BNC2: variants seen among roughly 807,000 people sequenced by gnomAD.
BNC2 encodes zinc finger protein basonuclin-2.
Under a neutral mutation model 76.3 loss-of-function variants are expected in BNC2, and 20 were observed. The ratio of observed to expected loss-of-function variants is 0.26; its 90% CI spans 0.18 to 0.38. The LOEUF (loss-of-function observed/expected upper bound fraction) is 0.38, where lower values mean the gene tolerates loss of function less well. Among genes scored for constraint, BNC2 ranks in the 10% least tolerant of loss-of-function variants. The pLI is 1.00. For synonymous variants in BNC2, 582 were observed against 514.8 expected (o/e 1.13, Z -1.77); for missense variants, 1,382 against 1,399.8 (o/e 0.99, Z 0.20).
chr9:16,614,271 T>G (rs1236981211), intron 3 of BNC2, among the ~76,000 whole-genome samples: 1 of 149,542 alleles, frequency 6.7e-6, no homozygotes, highest in Non-Finnish European at 1.5e-5. Flanking sequence ...AATCTTTCTA[T>G]AATATTACTG....
chr9:16,735,215 T>A (rs1824628869), intron 2 of BNC2, among the ~76,000 whole-genome samples: 1 of 152,166 alleles, frequency 6.6e-6, no homozygotes, highest in Non-Finnish European at 1.5e-5. Context: ...ATGAATCTTG[T>A]GCCTACAAAA....
At chr9:16,762,349 C>T (rs1825576932) in intron 1 of BNC2, among the ~76,000 whole-genome samples, 1 of 152,188 alleles carries the variant, frequency 6.6e-6, no homozygotes, top group South Asian at 2.1e-4. Flanking sequence ...ATCCAGAGAT[C>T]TTTACCCACC....
rs532649227 is a variant in BNC2 at position 16,788,597 on chromosome 9, G to C, written c.4-50112C>G. Among the ~76,000 whole-genome samples, 185 of 150,388 alleles carry C rather than the reference G, an allele frequency of 1.2e-3. No homozygotes were observed. The Middle Eastern group carries it at 0.014, about 11-fold the overall frequency. On this transcript the variant is annotated intron_variant, in intron 1 of 6. Coordinates refer to ENST00000380672, the MANE Select transcript of BNC2 (RefSeq NM_017637.6). ...AGGTCATTCCTTTTAAACATGACAA[G>C]TTGATTCAATGACAGTCTACAGTCC...
chr9:16,521,646 C>A (rs1308265471), intron 5 of BNC2, among the ~76,000 whole-genome samples: 2 of 152,094 alleles, frequency 1.3e-5, no homozygotes, highest in Non-Finnish European at 2.9e-5. Flanking sequence ...GGTTTTTTGA[C>A]ATGTATTTTA....
At chr9:16,596,680 G>C (rs1228619316) in intron 3 of BNC2, among the ~76,000 whole-genome samples, 4 of 152,042 alleles carry the variant, frequency 2.6e-5, no homozygotes, top group African/African-American at 2.4e-5. Flanking sequence ...TGATTCCCTG[G>C]CTGGCCAACG....
At chr9:16,734,956 C>T (rs964404219) in intron 2 of BNC2, among the ~76,000 whole-genome samples, 1 of 152,170 alleles carries the variant, frequency 6.6e-6, no homozygotes, top group Non-Finnish European at 1.5e-5. Flanking sequence ...CTAGCTGACA[C>T]GTGTGTCTGT....
chr9:16,698,907 CTT>C (rs1028879977), intron 3 of BNC2, among the ~76,000 whole-genome samples: 1 of 152,136 alleles, frequency 6.6e-6, no homozygotes, highest in Admixed American at 6.5e-5. Flanking sequence ...AGTTTTCTCT[CTT>C]TGAGGTTTTC....
intron 1 of BNC2, among the ~76,000 whole-genome samples, chr9:16,847,358 A>ATATTTTGAT (rs1460883348): frequency 1.5e-4 from 19 of 126,832 alleles, no homozygotes; most frequent in African/African-American, 5.8e-4. Context: ...CACTTTAAGT[A>ATATTTTGAT]TATTTTGATT....
At chr9:16,608,415 T>C (rs909868415) in intron 3 of BNC2, among the ~76,000 whole-genome samples, 12 of 152,240 alleles carry the variant, frequency 7.9e-5, no homozygotes, top group African/African-American at 2.4e-4. Context: ...TCTTGTCTAT[T>C]AAACTCCCTG....
At chr9:16,673,036 TG>T (rs961345973) in intron 3 of BNC2, among the ~76,000 whole-genome samples, 3 of 152,228 alleles carry the variant, frequency 2.0e-5, no homozygotes, top group Middle Eastern at 3.4e-3. Context: ...TGTTTAGTTT[TG>T]GGGGGGTTTT....
intron 3 of BNC2, among the ~76,000 whole-genome samples, chr9:16,642,878 T>C (rs1821526425): frequency 6.6e-6 from 1 of 152,158 alleles, no homozygotes; most frequent in Non-Finnish European, 1.5e-5. Context: ...ACTATCAGGG[T>C]TCCAATTCCA....
chr9:16,732,167 AG>A (rs374290304), intron 2 of BNC2, among the ~76,000 whole-genome samples: 2 of 141,450 alleles, frequency 1.4e-5, no homozygotes, highest in Admixed American at 7.0e-5. Context: ...CAAAAAAAAA[AG>A]AAAAAGAAAC....
At chr9:16,609,679 TG>T (rs529228645) in intron 3 of BNC2, among the ~76,000 whole-genome samples, 100 of 152,314 alleles carry the variant, frequency 6.6e-4, no homozygotes, top group African/African-American at 2.3e-3. Context: ...AATTTATCTA[TG>T]GGACATATTT....
At chr9:16,824,880 A>C (rs1203131649) in intron 1 of BNC2, among the ~76,000 whole-genome samples, 1 of 152,110 alleles carries the variant, frequency 6.6e-6, no homozygotes, top group Non-Finnish European at 1.5e-5. Flanking sequence ...TCCTGTGCAT[A>C]GATTGTTTGG....
rs1819669882 is a variant in BNC2, at chr9:16,582,996, G to A, written c.420C>T (p.Gly140=). 6.2e-7 allele frequency: 1 copy of A among 1,612,760 alleles called. No individual in the cohort carries two copies. The change falls in exon 4 of 7, where the codon GGC becomes GGT. Residue 140 remains glycine, a synonymous_variant. Transcript: ENST00000380672. ...NLRTCDQCKH[G]WVAHALDKLS... is the part of the protein sequence containing the mutation. ...GATTTTCCTCACCATGTGCCACCCAGCCATGTTTACACTGATCACAAGTCC... is the reference window on the plus strand; with the variant it reads ...GATTTTCCTCACCATGTGCCACCCAACCATGTTTACACTGATCACAAGTCC...
chr9:16,826,376 C>A (rs1246875565), intron 1 of BNC2, among the ~76,000 whole-genome samples: 3 of 151,978 alleles, frequency 2.0e-5, no homozygotes, highest in Non-Finnish European at 4.4e-5. Context: ...GTAACAAAAA[C>A]AACAAAAAAG....
At chr9:16,834,681 TGTGAACTCCCTACAAGTAA>T (rs538678519) in intron 1 of BNC2, among the ~76,000 whole-genome samples, 267 of 152,354 alleles carry the variant, frequency 1.8e-3, no homozygotes, top group African/African-American at 6.2e-3. Context: ...CTCACCCATT[TGTGAACTCCCTACAAGTAA>T]GTGATTTTTA....
chr9:16,521,350 A>G (rs1331966955), intron 5 of BNC2, among the ~76,000 whole-genome samples: 1 of 152,220 alleles, frequency 6.6e-6, no homozygotes, highest in Non-Finnish European at 1.5e-5. Context: ...TCCACCGGAA[A>G]TAAAAGGTCT....
At chr9:16,449,817 T>C (rs888231093) in intron 5 of BNC2, among the ~76,000 whole-genome samples, 2 of 97,234 alleles carry the variant, frequency 2.1e-5, no homozygotes, top group African/African-American at 7.3e-5. Flanking sequence ...TGAAAAGCAA[T>C]GGGAATAAAA....
Sources: gnomAD v4.1 joint callset for allele counts (sites outside exome capture counted in the v4.1 genomes callset) on GRCh38, gnomAD v4.1.1 for gene constraint, MANE v1.5 for transcripts, NCBI Gene and HGNC (gene_info 2026-07-23, HGNC 2026-07-21) for gene names.